NEMP2: variants seen among roughly 807,000 people sequenced by gnomAD.
NEMP2 encodes UPF0571 transmembrane protein.
NEMP2 carries 53 observed loss-of-function variants against 54.2 expected under a neutral mutation model. The observed-to-expected ratio is 0.98, with a 90% confidence interval of 0.78 to 1.23. The LOEUF (loss-of-function observed/expected upper bound fraction) is 1.23, where lower values mean the gene tolerates loss of function less well. NEMP2 is among the 50% of genes most tolerant of loss of function. The pLI is 0.00. For synonymous variants in NEMP2, 197 were observed against 190.3 expected, an observed-to-expected ratio of 1.04 and a Z score of -0.29; for missense variants, 455 against 511.3, an observed-to-expected ratio of 0.89 and a Z score of 1.06.
chr2:190,455,259 C>T, the NEMP2 span, among the ~76,000 whole-genome samples: 1 of 145,550 alleles, frequency 6.9e-6, no homozygotes, highest in Non-Finnish European at 1.5e-5. Flanking sequence ...TTCATTATTA[C>T]TATTAAGTTA....
chr2:190,534,617 C>T lies in NEMP2; in HGVS notation c.39G>A (p.Trp13Ter). Residue 13 changes from tryptophan (W) to a stop codon, truncating the protein, a stop_gained, in exon 1 of 9, where the codon TGG becomes TGA. Transcript: ENST00000409150. LOFTEE classifies it high-confidence loss of function. Reference sequence around the variant, plus strand: ...CGGGCAGTGTGGCCAGGGGCGGCAGCCAGAGCAGCAGCCACCACCGCCCTT... The same window carrying T: ...CGGGCAGTGTGGCCAGGGGCGGCAGTCAGAGCAGCAGCCACCACCGCCCTT... The part of the protein sequence containing the change: ...PRQGRWWLLL[W>*]LPPLATLPVR... 1.4e-6 allele frequency: 2 copies of T among 1,380,332 alleles called. No individual in the cohort carries two copies. The highest frequency in any genetic ancestry group is 1.9e-6 in the Non-Finnish European group (2 of 1,070,136). The allele number at this position is 1,380,332 out of a possible 1,614,324, so 85.5% of individuals were successfully genotyped here. A position where few individuals can be genotyped will look rare whatever the true frequency, so the allele number is the denominator to read the frequency against.
chr2:190,551,029 T>G, the NEMP2 span, among the ~76,000 whole-genome samples: 1 of 152,128 alleles, frequency 6.6e-6, no homozygotes, highest in East Asian at 1.9e-4. Flanking sequence ...GATGGTAATC[T>G]AATCTTCTTA....
the NEMP2 span, among the ~76,000 whole-genome samples, chr2:190,581,894 T>A: frequency 6.6e-6 from 1 of 152,100 alleles, no homozygotes; most frequent in African/African-American, 2.4e-5. Context: ...TAACTTGAAA[T>A]TGGCCATGAT....
chr2:190,642,532 A>C, the NEMP2 span, among the ~76,000 whole-genome samples: 2 of 152,120 alleles, frequency 1.3e-5, no homozygotes. This position sits in a 1 kb window ranked among gnomAD's most constrained non-coding sequence, Gnocchi z 4.1. Context: ...GTCTTTAAGA[A>C]ACTTGTTTAT....
chr2:190,473,804 C>T, the NEMP2 span, among the ~76,000 whole-genome samples: 1 of 152,160 alleles, frequency 6.6e-6, no homozygotes, highest in African/African-American at 2.4e-5. Context: ...AAATTGACCA[C>T]ATAGTTGGAA....
the NEMP2 span, among the ~76,000 whole-genome samples, chr2:190,457,026 G>A: frequency 1.3e-5 from 2 of 152,112 alleles, no homozygotes; most frequent in Non-Finnish European, 2.9e-5. This position sits in a 1 kb window ranked among gnomAD's most constrained non-coding sequence, Gnocchi z 5.1. Context: ...TAATCCGCGC[G>A]CACAGCTGAG....
intron 1 of NEMP2, 157 bp downstream of exon 1, chr2:190,534,402 G>A (rs13412823): frequency 1.7e-6 from 2 of 1,211,664 alleles, no homozygotes; most frequent in Admixed American, 4.4e-5. Flanking sequence ...GGAAGGGCGG[G>A]CGGGGCCTGC....
the NEMP2 span, among the ~76,000 whole-genome samples, chr2:190,479,606 TG>T: frequency 6.6e-6 from 1 of 152,232 alleles, no homozygotes; most frequent in African/African-American, 2.4e-5. Flanking sequence ...CTGTGGGTGT[TG>T]GTTGCAAATC....
chr2:190,563,209 C>T, the NEMP2 span, among the ~76,000 whole-genome samples: 1 of 152,172 alleles, frequency 6.6e-6, no homozygotes, highest in African/African-American at 2.4e-5. This position sits in a 1 kb window ranked among gnomAD's most constrained non-coding sequence, Gnocchi z 4.3. Flanking sequence ...CTGCCACCCA[C>T]TCATCACCCA....
At chr2:190,632,475 T>C in the NEMP2 span, among the ~76,000 whole-genome samples, 13 of 152,402 alleles carry the variant, frequency 8.5e-5, no homozygotes, top group African/African-American at 2.9e-4. This position sits in a 1 kb window ranked among gnomAD's most constrained non-coding sequence, Gnocchi z 4.8. Context: ...TCCCAGGATG[T>C]CAACTTAGGT....
chr2:190,551,487 T>C, the NEMP2 span, among the ~76,000 whole-genome samples: 1 of 152,150 alleles, frequency 6.6e-6, no homozygotes, highest in Admixed American at 6.5e-5. Context: ...ATAATTTTTA[T>C]TTTATTTCTA....
chr2:190,639,999 A>G, the NEMP2 span, among the ~76,000 whole-genome samples: 1 of 152,198 alleles, frequency 6.6e-6, no homozygotes, highest in South Asian at 2.1e-4. Flanking sequence ...AAAACTATCT[A>G]TAATACCATC....
At chr2:190,452,398 G>C in the NEMP2 span, among the ~76,000 whole-genome samples, 2 of 152,204 alleles carry the variant, frequency 1.3e-5, no homozygotes, top group Admixed American at 6.5e-5. Flanking sequence ...CAAAAGCATC[G>C]TGCTAAATGC....
chr2:190,515,365 A>T (rs1219451213), intron 6 of NEMP2, among the ~76,000 whole-genome samples: 1 of 152,228 alleles, frequency 6.6e-6, no homozygotes, highest in African/African-American at 2.4e-5. Context: ...ACTATGATGA[A>T]AAAAGAACTG....
the NEMP2 span, among the ~76,000 whole-genome samples, chr2:190,445,185 A>G: frequency 4.6e-5 from 7 of 152,124 alleles, no homozygotes. Flanking sequence ...GGGGATACTT[A>G]TCTCATATTA....
the NEMP2 span, among the ~76,000 whole-genome samples, chr2:190,622,925 A>T: frequency 3.9e-5 from 6 of 152,170 alleles, no homozygotes; most frequent in Non-Finnish European, 8.8e-5. Flanking sequence ...AATATATTAG[A>T]TTTAGAAAAA....
chr2:190,585,108 T>G, the NEMP2 span, among the ~76,000 whole-genome samples: 1 of 152,082 alleles, frequency 6.6e-6, no homozygotes, highest in Non-Finnish European at 1.5e-5. This position sits in a 1 kb window ranked among gnomAD's most constrained non-coding sequence, Gnocchi z 5.3. Context: ...AAGACAAACA[T>G]GGTATTTTCC....
chr2:190,444,957 A>T, the NEMP2 span: 1 of 613,216 alleles, frequency 1.6e-6, no homozygotes, highest in African/African-American at 2.0e-5. Context: ...CATACTGGGT[A>T]ACAAATTTAG....
chr2:190,571,422 C>A, the NEMP2 span, among the ~76,000 whole-genome samples: 2 of 151,810 alleles, frequency 1.3e-5, no homozygotes, highest in Non-Finnish European at 2.9e-5. Context: ...GGGCGCCTGT[C>A]ATCCCAGCTA....
Sources: gnomAD v4.1 joint callset for allele counts (sites outside exome capture counted in the v4.1 genomes callset) on GRCh38, gnomAD v4.1.1 for gene constraint, Gnocchi (gnomAD v3.1) non-coding constraint, MANE v1.5 for transcripts, NCBI Gene and HGNC (gene_info 2026-07-23, HGNC 2026-07-21) for gene names.